Variants in TNRC18 observed in about 807,000 individuals in gnomAD.
TNRC18 encodes the protein trinucleotide repeat containing 18, also known as trinucleotide repeat-containing gene 18 protein.
Under a neutral mutation model 226.7 loss-of-function variants are expected in TNRC18, and 69 were observed. That is an observed-to-expected ratio of 0.30 (90% CI 0.25 to 0.37). The LOEUF (loss-of-function observed/expected upper bound fraction) is 0.37. TNRC18 is among the 10% of genes least tolerant of loss of function. The probability of loss-of-function intolerance (pLI) is 1.00; values close to 1 mark genes in which losing one functional copy is unlikely to be tolerated. For missense variants in TNRC18, 4,754 were observed against 4,256.6 expected, an observed-to-expected ratio of 1.12 and a Z score of -3.25; for synonymous variants, 2,449 against 1,927.6, an observed-to-expected ratio of 1.27 and a Z score of -7.09.
chr7:5,310,970 G>A (rs1474542226), intron 27 of TNRC18, among the ~76,000 whole-genome samples: 5 of 152,238 alleles, frequency 3.3e-5, no homozygotes, highest in East Asian at 1.9e-4. Context: ...ACGTGTACTC[G>A]TGTGCATGCA....
At chr7:5,349,159 C>T (rs1791520662) in intron 17 of TNRC18, among the ~76,000 whole-genome samples, 2 of 152,216 alleles carry the variant, frequency 1.3e-5, no homozygotes, top group Non-Finnish European at 2.9e-5. Context: ...CCGAGAGCAG[C>T]CCAATGCCCG....
intron 15 of TNRC18, among the ~76,000 whole-genome samples, chr7:5,357,895 G>A (rs1015439220): frequency 3.3e-5 from 5 of 152,168 alleles, no homozygotes; most frequent in Non-Finnish European, 7.3e-5. Flanking sequence ...CTGGTACAAG[G>A]TAACCACTTA....
rs1780000090 is a variant in TNRC18, at chr7:5,388,539, T to C, written c.1285A>G (p.Lys429Glu). 1.5e-6 allele frequency: 2 copies of C among 1,314,486 alleles called. No homozygotes were observed. The highest frequency in any genetic ancestry group is 1.9e-6 in the Non-Finnish European group (2 of 1,035,862). 81.4% of individuals were successfully genotyped at this position (1,314,486 alleles called of 1,614,324 possible). Residue 429 changes from lysine to glutamate, a missense_variant, in exon 5 of 30, where the codon AAG (lysine) becomes GAG (glutamate). Coordinates refer to ENST00000430969, the MANE Select transcript of TNRC18 (RefSeq NM_001080495.3). The part of the protein sequence containing the change: ...PLDRPEGLRE[K>E]NSVIRSLKRP... The stretch of plus-strand genomic sequence containing the variant: ...TTGAGCGAGCGGATGACCGAGTTCT[T>C]CTCGCGCAGGCCCTCGGGCCGGTCC...
At chr7:5,331,271 G>C (rs746556834) in intron 19 of TNRC18, among the ~76,000 whole-genome samples, 1 of 152,146 alleles carries the variant, frequency 6.6e-6, no homozygotes, top group South Asian at 2.1e-4. Flanking sequence ...AAGTCTGAAC[G>C]CATCCAAATA....
intron 14 of TNRC18, among the ~76,000 whole-genome samples, chr7:5,360,981 C>G (rs191733738): frequency 3.3e-5 from 5 of 152,300 alleles, no homozygotes; most frequent in Non-Finnish European, 7.4e-5. Context: ...CTTTCCTTGA[C>G]GGGCCCCTTT....
chr7:5,370,415 G>T lies in TNRC18; in HGVS notation c.4179C>A (p.Ile1393=). 1 of 1,552,412 alleles carries T rather than the reference G, an allele frequency of 6.4e-7. No individual in the cohort carries two copies. Among genetic ancestry groups the T allele is most frequent in the Non-Finnish European group, 8.7e-7 (1 of 1,147,398 alleles). ...FLHGITLLSE[I]AELELERRSQ... ...TCCTCCTCTCCAGCTCCAGCTCTGC[G>T]ATCTCACTTAGCAGGGTGATGCCAT... The change falls in exon 11 of 30, where the codon ATC becomes ATA. Residue 1393 remains isoleucine, a synonymous_variant. Transcript: ENST00000430969.
In TNRC18 at chr7:5,345,525, C is replaced by CCCCCCCCCCCCCCCCCCCCCCCCCCCAA; in HGVS notation, c.5719+36_5719+37insTTGGGGGGGGGGGGGGGGGGGGGGGGGG. Reference sequence around the variant, plus strand: ...ATGGGGCAATGGCGTCCGCCCCTCCCACCCACCCCCACCGCAGCCCACCTG... The same window carrying CCCCCCCCCCCCCCCCCCCCCCCCCCCAA: ...ATGGGGCAATGGCGTCCGCCCCTCCCCCCCCCCCCCCCCCCCCCCCCCCCCCAAACCCACCCCCACCGCAGCCCACCTG... On this transcript the variant is annotated intron_variant, in intron 18 of 29. Coordinates refer to ENST00000430969, the MANE Select transcript of TNRC18 (RefSeq NM_001080495.3). 4 of 217,344 alleles carry CCCCCCCCCCCCCCCCCCCCCCCCCCCAA rather than the reference C, an allele frequency of 1.8e-5. No homozygotes were observed. In the East Asian group the frequency reaches 5.5e-4, roughly 30 times the overall value. The allele number at this position is 217,344 out of a possible 1,614,324, so 13.5% of individuals were successfully genotyped here.
At chr7:5,371,400 G>T in intron 10 of TNRC18, 36 bp from the exon 11 acceptor site, 1 of 1,483,158 alleles carries the variant, frequency 6.7e-7, no homozygotes, top group Non-Finnish European at 8.9e-7. Flanking sequence ...GGGAGCCCTA[G>T]GATCTGATAT....
Position 5,377,786 on chromosome 7 carries a change from C to T in TNRC18, c.2255+136G>A. ...GGCAGGGCTGGCCCGATGCTGAGGA[C>T]CAGAGTGACTCCCGCTCTCAGTACC... On this transcript the variant is annotated intron_variant, in intron 6 of 29. Transcript: ENST00000430969. This position sits in a 1 kb window ranked among gnomAD's most constrained non-coding sequence, Gnocchi z 5.8. 1 of 1,015,902 alleles carries T rather than the reference C, an allele frequency of 9.8e-7. No individual in the cohort carries two copies. The highest frequency in any genetic ancestry group is 1.5e-6 in the Non-Finnish European group (1 of 688,472). 62.9% of individuals were successfully genotyped at this position (1,015,902 alleles called of 1,614,324 possible). A position where few individuals can be genotyped will look rare whatever the true frequency, so the allele number is the denominator to read the frequency against.
chr7:5,308,129 C>T lies in TNRC18; in HGVS notation c.8884G>A (p.Asp2962Asn). The part of the protein sequence containing the change: ...EPTTGMIFST[D>N]GVPVLC ...GCTCAGCAGAGCACGGGCACGCCGT[C>T]CGTGGAGAAGATCATGCCCGTGGTG... The change falls in exon 30 of 30, where the codon GAC (aspartate) becomes AAC (asparagine). Residue 2962 changes from aspartate (D) to asparagine (N), a missense_variant. By Grantham distance (23) the Asp-to-Asn change is conservative. Coordinates refer to ENST00000430969, the MANE Select transcript of TNRC18 (RefSeq NM_001080495.3). The T allele has an allele frequency of 1.3e-6, 2 of 1,556,802 alleles. No individual in the cohort carries two copies. Among genetic ancestry groups the T allele is most frequent in the Non-Finnish European group, 1.7e-6 (2 of 1,151,234 alleles).
rs1399368019 is a variant in TNRC18 at position 5,325,251 on chromosome 7, G to A, written c.6148-3C>T. ...CCAGCCTCTTTCCCTTTCTTCTTCT[G>A]GAGGAGGAAGCAGCAGAGAGGAGCC... On this transcript the variant is annotated splice_polypyrimidine_tract_variant and splice_region_variant and intron_variant, in intron 19 of 29. Coordinates refer to ENST00000430969, the MANE Select transcript of TNRC18 (RefSeq NM_001080495.3). 1 of 1,550,610 alleles carries A rather than the reference G, an allele frequency of 6.4e-7. No homozygotes were observed. Among genetic ancestry groups the A allele is most frequent in the African/African-American group, 1.4e-5 (1 of 73,738 alleles).
chr7:5,308,329 A>T lies in TNRC18; in HGVS notation c.8701-17T>A. 1 of 1,599,100 alleles carries T rather than the reference A, an allele frequency of 6.3e-7. No homozygotes were observed. The highest frequency in any genetic ancestry group is 8.5e-7 in the Non-Finnish European group (1 of 1,173,548). On this transcript the variant is annotated splice_polypyrimidine_tract_variant and intron_variant, in intron 29 of 29. Coordinates refer to ENST00000430969, the MANE Select transcript of TNRC18 (RefSeq NM_001080495.3). ...TAGCGCGCGCTGCGGGCACGCGGGG[A>T]TATCAGGATGGCAGGTGGGGGGCAC...
chr7:5,388,088 G>A lies in TNRC18; in HGVS notation c.1736C>T (p.Ser579Phe), dbSNP rs752910195. ...GCTCTGCATGGCCGAGGCCTCTCCAGACCCGTGGGCCGCAGAGTGCATGTC... is the reference window on the plus strand; with the variant it reads ...GCTCTGCATGGCCGAGGCCTCTCCAAACCCGTGGGCCGCAGAGTGCATGTC... ...VADMHSAAHG[S>F]GEASAMQSLI... The change falls in exon 5 of 30, where the codon TCT becomes TTT. Residue 579 changes from serine to phenylalanine, a missense_variant. Ser to Phe is a radical substitution (Grantham distance 155). Transcript: ENST00000430969. 1.3e-6 allele frequency: 2 copies of A among 1,554,542 alleles called. No individual in the cohort carries two copies. Among genetic ancestry groups the A allele is most frequent in the Non-Finnish European group, 1.7e-6 (2 of 1,149,602 alleles).
chr7:5,404,186 T>G (rs977038537), intron 2 of TNRC18, among the ~76,000 whole-genome samples: 1 of 152,152 alleles, frequency 6.6e-6, no homozygotes, highest in African/African-American at 2.4e-5. Context: ...GCTTGGCCAA[T>G]GTGGTGAAAC....
chr7:5,381,246 C>G (rs929475114), intron 5 of TNRC18, among the ~76,000 whole-genome samples: 10 of 152,358 alleles, frequency 6.6e-5, no homozygotes, highest in Middle Eastern at 6.8e-3. Context: ...GGCCGGGCCC[C>G]TCCTCTACCC....
In TNRC18 at chr7:5,313,286, G is replaced by C. The variant is rs758409938; in HGVS notation, c.7605C>G (p.Phe2535Leu). Reference sequence around the variant, plus strand: ...GGCTCTTGGGGTTCCCAGAGTCCTCGAACGTGAGCCCCGGCCCGGGCTCCT... The same window carrying C: ...GGCTCTTGGGGTTCCCAGAGTCCTCCAACGTGAGCCCCGGCCCGGGCTCCT... ...LAQEPGPGLT[F>L]EDSGNPKSPD... The change falls in exon 27 of 30, where the codon TTC (phenylalanine) becomes TTG (leucine). Residue 2535 changes from phenylalanine to leucine, a missense_variant. Coordinates refer to ENST00000430969, the MANE Select transcript of TNRC18 (RefSeq NM_001080495.3). 1.3e-6 allele frequency: 2 copies of C among 1,548,344 alleles called. No individual in the cohort carries two copies. Among genetic ancestry groups the C allele is most frequent in the African/African-American group, 1.4e-5 (1 of 72,952 alleles).
chr7:5,402,987 G>A (rs1310857120), intron 2 of TNRC18, among the ~76,000 whole-genome samples: 1 of 151,894 alleles, frequency 6.6e-6, no homozygotes, highest in Non-Finnish European at 1.5e-5. Flanking sequence ...TCCTGTCAAC[G>A]GGGAGAGGGA....
rs1779443933 is a variant in TNRC18, at chr7:5,382,207, C to T, written c.2153-4183G>A. Among the ~76,000 whole-genome samples the T allele has an allele frequency of 2.0e-5, 3 of 152,290 alleles. No homozygotes were observed. In the South Asian group the frequency reaches 6.2e-4, roughly 32 times the overall value. On this transcript the variant is annotated intron_variant, in intron 5 of 29. Transcript: ENST00000430969. ...CAAGACTAACATGGAGGCGTCATGG[C>T]TGTGATCAGCGTCCAAGTCGGCCCT...
intron 17 of TNRC18, 150 bp from the exon 18 acceptor site, chr7:5,345,960 C>T: frequency 8.2e-7 from 1 of 1,221,284 alleles, no homozygotes; most frequent in South Asian, 1.6e-5. Flanking sequence ...AGACCCAGCC[C>T]ACGGGTTCCC....
Sources: allele counts gnomAD v4.1 joint callset (sites outside exome capture counted in the v4.1 genomes callset), GRCh38; gene constraint gnomAD v4.1.1; non-coding constraint Gnocchi (gnomAD v3.1); transcripts MANE v1.5; gene names NCBI Gene and HGNC (gene_info 2026-07-23, HGNC 2026-07-21).